The following IQSEC1 variants were observed in gnomAD, a reference collection of about 807,000 sequenced individuals.
The protein encoded by IQSEC1 is IQ motif and Sec7 domain ArfGEF 1.
A neutral mutation model predicts 91.0 loss-of-function variants in IQSEC1; 31 were observed. The ratio of observed to expected loss-of-function variants is 0.34; its 90% confidence interval spans 0.26 to 0.46. The LOEUF is 0.46. Ranked by LOEUF, IQSEC1 falls within the 20% of genes least tolerant of loss-of-function variation. The pLI, the probability that IQSEC1 is intolerant of heterozygous loss-of-function variation, is 1.00. For missense variants in IQSEC1, 1,388 were observed against 1,575.6 expected (o/e 0.88, Z 2.02); for synonymous variants, 699 against 662.6 (o/e 1.05, Z -0.84).
intron 1 of IQSEC1, among the ~76,000 whole-genome samples, chr3:13,253,752 G>A (rs191311697): frequency 6.6e-5 from 10 of 152,238 alleles, no homozygotes; most frequent in African/African-American, 2.4e-4. Flanking sequence ...TCCGCTGTGC[G>A]ACAAAAGCTA....
intron 1 of IQSEC1, among the ~76,000 whole-genome samples, chr3:13,048,463 AC>A (rs1403375051): frequency 6.6e-6 from 1 of 151,148 alleles, no homozygotes; most frequent in African/African-American, 2.4e-5. Flanking sequence ...GGGCACCCAC[AC>A]CCCCCATCGC....
At chr3:12,918,516 G>T (rs1696321048) in intron 6 of IQSEC1, among the ~76,000 whole-genome samples, 1 of 151,870 alleles carries the variant, frequency 6.6e-6, no homozygotes, top group African/African-American at 2.4e-5. Flanking sequence ...AGGTTCTAAA[G>T]TAAGAAAAAA....
At chr3:13,270,569 T>C (rs1340363032) in intron 1 of IQSEC1, among the ~76,000 whole-genome samples, 2 of 152,200 alleles carry the variant, frequency 1.3e-5, no homozygotes, top group African/African-American at 4.8e-5. Context: ...CCTGTCTTTA[T>C]TCTCTCTGGG....
At chr3:13,090,942 G>C (rs949011499) in intron 2 of IQSEC1, among the ~76,000 whole-genome samples, 1 of 152,104 alleles carries the variant, frequency 6.6e-6, no homozygotes, top group Non-Finnish European at 1.5e-5. Context: ...CCCCAGCCGC[G>C]GGGACAGCAC....
chr3:13,210,540 G>A (rs1368396828), intron 1 of IQSEC1, among the ~76,000 whole-genome samples: 2 of 152,142 alleles, frequency 1.3e-5, no homozygotes, highest in Non-Finnish European at 1.5e-5. Flanking sequence ...GGGTTGATGC[G>A]TGTCCATGCG....
chr3:13,252,573 C>T (rs1007631609), intron 1 of IQSEC1, among the ~76,000 whole-genome samples: 3 of 152,172 alleles, frequency 2.0e-5, no homozygotes, highest in Non-Finnish European at 2.9e-5. Flanking sequence ...AGTGGGATTG[C>T]GGGATGCAAT....
chr3:13,203,932 C>T (rs1694292282), intron 1 of IQSEC1, among the ~76,000 whole-genome samples: 1 of 152,236 alleles, frequency 6.6e-6, no homozygotes, highest in Non-Finnish European at 1.5e-5. Context: ...CAGACCCCGT[C>T]CCAGGCTGGG....
chr3:13,122,683 C>G (rs1706445409), intron 2 of IQSEC1, among the ~76,000 whole-genome samples: 1 of 152,170 alleles, frequency 6.6e-6, no homozygotes, highest in South Asian at 2.1e-4. Context: ...AGGGACACAT[C>G]CCACCTGGTC....
At chr3:13,243,006 T>C (rs1297149003) in intron 1 of IQSEC1, among the ~76,000 whole-genome samples, 2 of 152,084 alleles carry the variant, frequency 1.3e-5, no homozygotes, top group East Asian at 1.9e-4. Flanking sequence ...CTTGAGAGGG[T>C]TCCGCCAACC....
chr3:13,050,816 T>A (rs1704663693), intron 1 of IQSEC1, among the ~76,000 whole-genome samples: 1 of 152,244 alleles, frequency 6.6e-6, no homozygotes, highest in South Asian at 2.1e-4. Flanking sequence ...AAGATTTGCA[T>A]GATATTCAAT....
intron 2 of IQSEC1, among the ~76,000 whole-genome samples, chr3:13,133,590 T>G (rs1294823656): frequency 6.6e-6 from 1 of 152,240 alleles, no homozygotes; most frequent in East Asian, 1.9e-4. Context: ...GGGCCACTGC[T>G]GCACACAGCC....
intron 1 of IQSEC1, among the ~76,000 whole-genome samples, chr3:13,209,764 T>C (rs1694410425): frequency 6.6e-6 from 1 of 152,204 alleles, no homozygotes; most frequent in Admixed American, 6.5e-5. Flanking sequence ...AATAATCCAC[T>C]GCATCCCAGG....
At chr3:13,064,405 T>G (rs553552840) in intron 1 of IQSEC1, among the ~76,000 whole-genome samples, 1 of 152,278 alleles carries the variant, frequency 6.6e-6, no homozygotes, top group African/African-American at 2.4e-5. Context: ...AATGGCTGAA[T>G]GGTAAAATTA....
At chr3:13,062,368 A>C (rs1017655258) in intron 1 of IQSEC1, among the ~76,000 whole-genome samples, 4 of 152,160 alleles carry the variant, frequency 2.6e-5, no homozygotes, top group African/African-American at 9.7e-5. Context: ...CCTGATGGCC[A>C]CCCTGCAAAG....
At chr3:13,206,621 A>G (rs1694349794) in intron 1 of IQSEC1, among the ~76,000 whole-genome samples, 1 of 152,168 alleles carries the variant, frequency 6.6e-6, no homozygotes, top group Non-Finnish European at 1.5e-5. Context: ...CATTAGCAAA[A>G]CTTTTTAAAA....
rs1702168354 is a variant in IQSEC1, at chr3:12,994,992, G to C, written c.24-53127C>G. Reference sequence around the variant, plus strand: ...ACCTAAGGAGAAAGCGAGGACGCGCGAGTGCCCTCCCTGGTGGGTCGCAGA... The same window carrying C: ...ACCTAAGGAGAAAGCGAGGACGCGCCAGTGCCCTCCCTGGTGGGTCGCAGA... On this transcript the variant is annotated intron_variant, in intron 1 of 13. Transcript: ENST00000613206. The surrounding 1 kb of genome is among the most constrained non-coding windows in gnomAD (Gnocchi z 4.5). The C allele has an allele frequency of 6.6e-6, 1 of 152,442 alleles. No homozygotes were observed. The highest frequency in any genetic ancestry group is 1.9e-4 in the East Asian group (1 of 5,190). 9.4% of individuals were successfully genotyped at this position (152,442 alleles called of 1,614,324 possible).
intron 2 of IQSEC1, among the ~76,000 whole-genome samples, chr3:13,136,290 G>A (rs1226983730): frequency 1.3e-5 from 2 of 152,232 alleles, no homozygotes; most frequent in African/African-American, 4.8e-5. Flanking sequence ...ACCCCAGCCG[G>A]CTCAGACACT....
intron 1 of IQSEC1, among the ~76,000 whole-genome samples, chr3:13,191,660 T>C (rs1409888140): frequency 6.6e-6 from 1 of 152,240 alleles, no homozygotes; most frequent in East Asian, 1.9e-4. Context: ...TTTATCTTTT[T>C]ATTCTTATTT....
At chr3:13,070,700 G>A (rs1055940643) in intron 1 of IQSEC1, among the ~76,000 whole-genome samples, 1 of 152,250 alleles carries the variant, frequency 6.6e-6, no homozygotes, top group Non-Finnish European at 1.5e-5. Flanking sequence ...AATAGGTTTG[G>A]TGGCAGAGCG....
Sources: gnomAD v4.1 joint callset for allele counts (sites outside exome capture counted in the v4.1 genomes callset) on GRCh38, gnomAD v4.1.1 for gene constraint, Gnocchi (gnomAD v3.1) non-coding constraint, MANE v1.5 for transcripts, NCBI Gene and HGNC (gene_info 2026-07-23, HGNC 2026-07-21) for gene names.